The following RLF variants were observed in gnomAD, a reference collection of about 807,000 sequenced individuals.
The protein encoded by RLF is zinc finger protein Rlf.
Under a neutral mutation model 162.9 loss-of-function variants are expected in RLF, and 7 were observed. That is an observed-to-expected ratio of 0.04 (90% CI 0.02 to 0.08). The LOEUF (loss-of-function observed/expected upper bound fraction) is 0.08, where lower values mean the gene tolerates loss of function less well. RLF is among the 10% of genes least tolerant of loss of function. The pLI is 1.00. For missense variants in RLF, 1,664 were observed against 2,244.7 expected (o/e 0.74, Z 5.23); for synonymous variants, 782 against 791.5 (o/e 0.99, Z 0.20).
chr1:40,188,889 A>C (rs2124535063), intron 1 of RLF, among the ~76,000 whole-genome samples, 166 bp from the exon 2 acceptor site: 1 of 152,340 alleles, frequency 6.6e-6, no homozygotes, highest in East Asian at 1.9e-4. Flanking sequence ...TCATTCATTA[A>C]GTGATGAAAA....
chr1:40,185,656 C>CAAAA (rs1163398364), intron 1 of RLF, among the ~76,000 whole-genome samples: 2,482 of 38,720 alleles, frequency 0.064, 204 homozygotes, highest in African/African-American at 0.21. Flanking sequence ...ACTAAAAATA[C>CAAAA]AAAAAAAAAA....
At position 40,238,535 on chromosome 1, in the gene RLF, A is replaced by G. The variant is rs753110745; in HGVS notation, c.3833A>G (p.His1278Arg). 1.9e-6 allele frequency: 3 copies of G among 1,613,778 alleles called. No individual in the cohort carries two copies. The highest frequency in any genetic ancestry group is 2.2e-5 in the East Asian group (1 of 44,886). ...GACATTTCATCACCAATAGGCAGCC[A>G]TAGAGAAGAACAAGAAGGAAGAGAG... Reference protein sequence around the residue: ...TSDISSPIGSHREEQEGREGR... With the variant: ...TSDISSPIGSRREEQEGREGR... The change falls in exon 8 of 8, where the codon CAT becomes CGT. Residue 1278 changes from histidine to arginine, a missense_variant. Around this residue, in one of 15 missense-constraint regions of RLF, gnomAD observed 102 missense variants for 109.5 expected, o/e 0.93. Transcript: ENST00000372771. The surrounding 1 kb of genome is among the most constrained non-coding windows in gnomAD (Gnocchi z 5.2).
rs752116841 is a variant in RLF, at chr1:40,161,423, C to A, written c.24C>A (p.Ala8=). Residue 8 remains alanine, a synonymous_variant, in exon 1 of 8, where the codon GCC becomes GCA. Coordinates refer to ENST00000372771, the MANE Select transcript of RLF (RefSeq NM_012421.4). This position sits in a 1 kb window ranked among gnomAD's most constrained non-coding sequence, Gnocchi z 4.4. MADGKGD[A]AAVAGAGAEA... ...AGATGGCGGACGGAAAGGGAGACGC[C>A]GCCGCTGTCGCCGGGGCTGGGGCTG... 1.3e-6 allele frequency: 2 copies of A among 1,548,866 alleles called. No homozygotes were observed. The highest frequency in any genetic ancestry group is 1.4e-5 in the African/African-American group (1 of 70,548).
Position 40,194,032 on chromosome 1 carries a change from TAATA to T in RLF, c.475-1599_475-1596del, listed in dbSNP as rs770909801. Among the ~76,000 whole-genome samples, 29 of 152,208 alleles carry T rather than the reference TAATA, an allele frequency of 1.9e-4. 1 individual carries two copies. The highest frequency in any genetic ancestry group is 2.5e-4 in the Non-Finnish European group (17 of 68,044). On this transcript the variant is annotated intron_variant, in intron 3 of 7. Coordinates refer to ENST00000372771, the MANE Select transcript of RLF (RefSeq NM_012421.4). Reference sequence around the variant, plus strand: ...CACCATAATCAATAATACTCAGTAGTAATAGAGGACAGTGAAACATATACGTAAT... The same window carrying T: ...CACCATAATCAATAATACTCAGTAGTGAGGACAGTGAAACATATACGTAAT...
chr1:40,191,590 A>G (rs1642558219), intron 3 of RLF, among the ~76,000 whole-genome samples: 1 of 151,788 alleles, frequency 6.6e-6, no homozygotes, highest in Admixed American at 6.6e-5. Context: ...GGTGGTACAT[A>G]CCTATAGTCC....
chr1:40,202,727 G>A, intron 5 of RLF, 113 bp downstream of exon 5: 1 of 617,610 alleles, frequency 1.6e-6, no homozygotes. Flanking sequence ...ATTTTTTTCA[G>A]GCTACCAAAA....
chr1:40,164,728 C>T (rs1642142209), intron 1 of RLF, among the ~76,000 whole-genome samples: 1 of 151,012 alleles, frequency 6.6e-6, no homozygotes, highest in South Asian at 2.1e-4. Flanking sequence ...ATTTTGAAGA[C>T]TTTTTTTTTA....
intron 1 of RLF, among the ~76,000 whole-genome samples, chr1:40,181,078 G>A (rs1249574090): frequency 3.3e-5 from 5 of 152,194 alleles, no homozygotes; most frequent in Non-Finnish European, 5.9e-5. Flanking sequence ...TGTAAGGTAA[G>A]GTCCAGCTTC....
At chr1:40,180,036 T>G (rs1268585425) in intron 1 of RLF, among the ~76,000 whole-genome samples, 2 of 152,226 alleles carry the variant, frequency 1.3e-5, no homozygotes, top group East Asian at 3.8e-4. Flanking sequence ...TAAATAATGC[T>G]GCTGTGAACA....
chr1:40,205,512 CAG>C (rs1642779511), intron 5 of RLF, among the ~76,000 whole-genome samples: 1 of 107,204 alleles, frequency 9.3e-6, no homozygotes, highest in Non-Finnish European at 1.7e-5. Context: ...TTTTTTGGGA[CAG>C]AGTCTCGCAC....
intron 5 of RLF, among the ~76,000 whole-genome samples, chr1:40,214,621 C>A (rs1315446544): frequency 6.6e-6 from 1 of 152,006 alleles, no homozygotes; most frequent in East Asian, 1.9e-4. Context: ...AGGAAACATG[C>A]TTAAAGAATT....
At chr1:40,178,637 T>TG (rs929845451) in intron 1 of RLF, among the ~76,000 whole-genome samples, 1 of 136,008 alleles carries the variant, frequency 7.4e-6, no homozygotes, top group African/African-American at 3.4e-5. Context: ...TTTTTGTTTT[T>TG]TTTTTTTTTT....
chr1:40,180,252 TCTTTA>T lies in RLF; in HGVS notation c.238-8798_238-8794del, dbSNP rs766595895. 9.9e-5 allele frequency among the ~76,000 whole-genome samples: 15 copies of T among 152,106 alleles called. 1 individual carries two copies. Among genetic ancestry groups the T allele is most frequent in the East Asian group, 3.9e-4 (2 of 5,180 alleles). Reference sequence around the variant, plus strand: ...ACACCCTTGCTAACACTTTTTCTGTTCTTTACTTTTCTTTTCTTTTTTTTGAGACA... The same window carrying T: ...ACACCCTTGCTAACACTTTTTCTGTTCTTTTCTTTTCTTTTTTTTGAGACA... On this transcript the variant is annotated intron_variant, in intron 1 of 7. Coordinates refer to ENST00000372771, the MANE Select transcript of RLF (RefSeq NM_012421.4).
At chr1:40,206,722 A>G (rs939435709) in intron 5 of RLF, among the ~76,000 whole-genome samples, 2 of 152,126 alleles carry the variant, frequency 1.3e-5, no homozygotes, top group Non-Finnish European at 2.9e-5. Context: ...CTTAGTGCCC[A>G]CTACTCTCCA....
chr1:40,218,615 T>C (rs1642955742), intron 5 of RLF, among the ~76,000 whole-genome samples: 1 of 152,238 alleles, frequency 6.6e-6, no homozygotes, highest in Non-Finnish European at 1.5e-5. Flanking sequence ...GGCTACATTC[T>C]CCCCTATCCA....
At chr1:40,188,318 T>C (rs1642510706) in intron 1 of RLF, among the ~76,000 whole-genome samples, 1 of 152,118 alleles carries the variant, frequency 6.6e-6, no homozygotes, top group Non-Finnish European at 1.5e-5. Context: ...TTATCAGGCT[T>C]TATTGTGGTT....
chr1:40,224,566 G>A (rs1266965975), intron 6 of RLF, among the ~76,000 whole-genome samples: 2 of 125,288 alleles, frequency 1.6e-5, no homozygotes, highest in Non-Finnish European at 3.2e-5. Flanking sequence ...GAGCCACTGC[G>A]CCTGGCCACA....
At chr1:40,220,970 TAAAAA>T (rs750563466) in intron 5 of RLF, among the ~76,000 whole-genome samples, 1 of 101,826 alleles carries the variant, frequency 9.8e-6, no homozygotes, top group African/African-American at 3.6e-5. Flanking sequence ...CTACAAAAAT[TAAAAA>T]AAAAAAAAAA....
At chr1:40,206,961 C>T (rs898249690) in intron 5 of RLF, among the ~76,000 whole-genome samples, 1 of 152,192 alleles carries the variant, frequency 6.6e-6, no homozygotes, top group African/African-American at 2.4e-5. Flanking sequence ...CTACTCTGCC[C>T]TAAATATCTG....
Sources: allele counts gnomAD v4.1 joint callset (sites outside exome capture counted in the v4.1 genomes callset), GRCh38; gene constraint gnomAD v4.1.1; regional missense constraint gnomAD v4.1.1; non-coding constraint Gnocchi (gnomAD v3.1); transcripts MANE v1.5; gene names NCBI Gene and HGNC (gene_info 2026-07-23, HGNC 2026-07-21).